The following CSTA variants were observed in gnomAD, a reference collection of about 807,000 sequenced individuals.
The protein encoded by CSTA is cystatin A.
CSTA carries 9 observed loss-of-function variants against 9.2 expected under a neutral mutation model. The observed-to-expected ratio is 0.97, with a 90% CI of 0.59 to 1.70. The LOEUF (loss-of-function observed/expected upper bound fraction) is 1.70, where lower values mean the gene tolerates loss of function less well. Ranked by LOEUF, CSTA falls within the 40% of genes most tolerant of loss-of-function variation. The pLI is 0.00. For synonymous variants in CSTA, 36 were observed against 40.6 expected (o/e 0.89, Z 0.43); for missense variants, 118 against 113.1 (o/e 1.04, Z -0.20).
chr3:122,326,423 A>G (rs1395961180), intron 1 of CSTA, among the ~76,000 whole-genome samples: 1 of 152,240 alleles, frequency 6.6e-6, no homozygotes, highest in African/African-American at 2.4e-5. Flanking sequence ...TGTACAAATT[A>G]CTACTTTAGG....
intron 1 of CSTA, among the ~76,000 whole-genome samples, chr3:122,333,286 G>A (rs913564840): frequency 1.3e-5 from 2 of 152,198 alleles, no homozygotes; most frequent in Admixed American, 6.5e-5. Context: ...CAAGGTGGGT[G>A]GATCACCTGA....
At chr3:122,340,728 A>G (rs1325072570) in intron 2 of CSTA, among the ~76,000 whole-genome samples, 6 of 152,188 alleles carry the variant, frequency 3.9e-5, no homozygotes, top group African/African-American at 1.4e-4. Flanking sequence ...TTCTAGGGCA[A>G]TTCTGATTTT....
At chr3:122,331,072 C>G (rs1424476657) in intron 1 of CSTA, among the ~76,000 whole-genome samples, 1 of 150,852 alleles carries the variant, frequency 6.6e-6, no homozygotes, top group Non-Finnish European at 1.5e-5. Context: ...GAGGTAAGGG[C>G]TACTATACAT....
chr3:122,333,716 GAA>G (rs1433769219), intron 1 of CSTA, among the ~76,000 whole-genome samples: 2 of 128,284 alleles, frequency 1.6e-5, no homozygotes, highest in Non-Finnish European at 3.4e-5. Flanking sequence ...GAAAAAGAAA[GAA>G]AGAGAAAGAA....
In CSTA at chr3:122,325,264, C is replaced by T; in HGVS notation, c.-29C>T. 1 of 1,611,930 alleles carries T rather than the reference C, an allele frequency of 6.2e-7. No individual in the cohort carries two copies. The highest frequency in any genetic ancestry group is 8.5e-7 in the Non-Finnish European group (1 of 1,178,066). ...TCCCTGTTCACTTTGGTTCCAGCAT[C>T]CTGTCCAGCAAAGAAGCAATCAGCC... On this transcript the variant is annotated 5_prime_UTR_variant, in exon 1 of 3. Coordinates refer to ENST00000264474, the MANE Select transcript of CSTA (RefSeq NM_005213.4).
chr3:122,337,673 C>A (rs534751699), intron 2 of CSTA, 25 bp downstream of exon 2: 1 of 1,355,200 alleles, frequency 7.4e-7, no homozygotes, highest in Non-Finnish European at 1.1e-6. Flanking sequence ...CCTACTTTAG[C>A]GCCAAAAGAT....
At position 122,325,347 on chromosome 3, in the gene CSTA, A is replaced by G. The variant is rs754693010; in HGVS notation, c.55A>G (p.Ile19Val). The G allele has an allele frequency of 3.1e-6, 5 of 1,614,134 alleles. 1 individual carries two copies. The highest frequency in any genetic ancestry group is 3.4e-6 in the Non-Finnish European group (4 of 1,180,022). ...ACCCGCCACTCCAGAAATCCAGGAG[A>G]TTGTTGATAAGGTGAGTTGATGCCA... ...AKPATPEIQE[I>V]VDKVKPQLEE... Residue 19 changes from isoleucine to valine, a missense_variant, in exon 1 of 3, where the codon ATT becomes GTT. By Grantham distance (29) the Ile-to-Val change is conservative (BLOSUM62 3). Coordinates refer to ENST00000264474, the MANE Select transcript of CSTA (RefSeq NM_005213.4).
At chr3:122,335,180 G>A (rs1372505438) in intron 1 of CSTA, among the ~76,000 whole-genome samples, 3 of 152,124 alleles carry the variant, frequency 2.0e-5, no homozygotes, top group East Asian at 1.9e-4. Flanking sequence ...TGCTGGGTTC[G>A]GGAATGCTGA....
chr3:122,336,565 A>C (rs1336920082), intron 1 of CSTA, among the ~76,000 whole-genome samples: 2 of 152,236 alleles, frequency 1.3e-5, no homozygotes, highest in Admixed American at 6.5e-5. Flanking sequence ...ATGATTTTTT[A>C]ATTACCATTT....
chr3:122,327,331 C>A lies in CSTA; in HGVS notation c.66+1973C>A, dbSNP rs534111971. Among the ~76,000 whole-genome samples the A allele has an allele frequency of 2.0e-5, 3 of 151,630 alleles. No homozygotes were observed. The South Asian group carries it at 6.3e-4, about 32-fold the overall frequency. On this transcript the variant is annotated intron_variant, in intron 1 of 2. Transcript: ENST00000264474. ...GATCACGAGGTCAGGAGATCAAGAC[C>A]ATCCTGGCTAACACAGTGAAACCCC...
In CSTA at chr3:122,325,283, A is replaced by C. The variant is rs747576020; in HGVS notation, c.-10A>C. 12 of 1,613,842 alleles carry C rather than the reference A, an allele frequency of 7.4e-6. No individual in the cohort carries two copies. Among genetic ancestry groups the C allele is most frequent in the Non-Finnish European group, 1.0e-5 (12 of 1,179,966 alleles). On this transcript the variant is annotated 5_prime_UTR_variant, in exon 1 of 3. Coordinates refer to ENST00000264474, the MANE Select transcript of CSTA (RefSeq NM_005213.4). ...CAGCATCCTGTCCAGCAAAGAAGCA[A>C]TCAGCCAAAATGATACCTGGAGGCT... is the stretch of plus-strand genomic sequence containing the variant.
In CSTA at chr3:122,337,643, A is replaced by G; in HGVS notation, c.163A>G (p.Ile55Val). Residue 55 changes from isoleucine (I) to valine (V), a missense_variant, in exon 2 of 3, where the codon ATT becomes GTT. By Grantham distance (29) the Ile-to-Val change is conservative. Coordinates refer to ENST00000264474, the MANE Select transcript of CSTA (RefSeq NM_005213.4). ...TQVVAGTNYYIKVRAGDNKYM... is the reference protein window; with the variant it reads ...TQVVAGTNYYVKVRAGDNKYM... Reference sequence around the variant, plus strand: ...AGTTGTTGCTGGAACAAATTACTACATTAAGGTTAGAGTTCAGCACCTACT... The same window carrying G: ...AGTTGTTGCTGGAACAAATTACTACGTTAAGGTTAGAGTTCAGCACCTACT... The G allele has an allele frequency of 1.3e-6, 2 of 1,598,078 alleles. No individual in the cohort carries two copies. Among genetic ancestry groups the G allele is most frequent in the Non-Finnish European group, 1.7e-6 (2 of 1,165,308 alleles).
At chr3:122,341,969 AGT>A (rs35225251), downstream of CSTA, 46,100 of 196,940 alleles carry the variant, frequency 0.23, 6,972 homozygotes, top group African/African-American at 0.38. Flanking sequence ...TATTTTACAA[AGT>A]GTGTGTGTGT....
intron 1 of CSTA, among the ~76,000 whole-genome samples, chr3:122,326,190 G>A (rs926400127): frequency 2.0e-5 from 3 of 151,942 alleles, no homozygotes; most frequent in Non-Finnish European, 4.4e-5. Context: ...GGCTGATTTG[G>A]GGGGTTTTGT....
At position 122,330,605 on chromosome 3, in the gene CSTA, C is replaced by T. The variant is rs886612293; in HGVS notation, c.66+5247C>T. Among the ~76,000 whole-genome samples the T allele has an allele frequency of 3.9e-5, 6 of 152,306 alleles. No homozygotes were observed. In the South Asian group the frequency reaches 1.2e-3, roughly 32 times the overall value. ...GAGACTGAACATGTCATTGTAGCAC[C>T]ATGTACTAAAGTACACTTGGAAGAA... On this transcript the variant is annotated intron_variant, in intron 1 of 2. Coordinates refer to ENST00000264474, the MANE Select transcript of CSTA (RefSeq NM_005213.4).
intron 1 of CSTA, among the ~76,000 whole-genome samples, chr3:122,328,711 G>A (rs1423152806): frequency 2.0e-5 from 3 of 148,806 alleles, no homozygotes; most frequent in Admixed American, 1.3e-4. Context: ...CAAGGCAGGC[G>A]GATCACCTGA....
chr3:122,341,294 TC>T, intron 2 of CSTA, 144 bp from the exon 3 acceptor site: 1 of 802,466 alleles, frequency 1.2e-6, no homozygotes, highest in Non-Finnish European at 2.1e-6. Context: ...ATACAAAGAG[TC>T]TAAGAATGGT....
chr3:122,333,841 G>T (rs2075221849), intron 1 of CSTA, among the ~76,000 whole-genome samples: 1 of 152,334 alleles, frequency 6.6e-6, no homozygotes, highest in Middle Eastern at 3.4e-3. Context: ...AAGTTATCAT[G>T]CAAGGACTTT....
At chr3:122,337,223 T>C (rs1245426108) in intron 1 of CSTA, among the ~76,000 whole-genome samples, 2 of 152,252 alleles carry the variant, frequency 1.3e-5, no homozygotes, top group East Asian at 3.8e-4. Flanking sequence ...AAAATAATGT[T>C]TTAATCAAGT....
Sources: gnomAD v4.1 joint callset for allele counts (sites outside exome capture counted in the v4.1 genomes callset) on GRCh38, gnomAD v4.1.1 for gene constraint, MANE v1.5 for transcripts, NCBI Gene and HGNC (gene_info 2026-07-23, HGNC 2026-07-21) for gene names.